The following PEAK1 variants were observed in gnomAD, a reference collection of about 807,000 sequenced individuals.
PEAK1 encodes pseudopodium enriched atypical kinase 1.
In PEAK1, 54 loss-of-function variants were observed where a neutral mutation model predicts 124.7. The observed-to-expected ratio is 0.43, with a 90% CI of 0.35 to 0.54. The LOEUF (loss-of-function observed/expected upper bound fraction) is 0.54. Ranked by LOEUF, PEAK1 falls within the 20% of genes least tolerant of loss-of-function variation. The pLI is 0.01. For synonymous variants in PEAK1, 719 were observed against 760.0 expected (o/e 0.95, Z 0.89); for missense variants, 2,046 against 2,134.5 (o/e 0.96, Z 0.82).
intron 5 of PEAK1, among the ~76,000 whole-genome samples, chr15:77,257,005 C>T (rs958095017): frequency 1.9e-4 from 29 of 151,974 alleles, no homozygotes; most frequent in African/African-American, 6.8e-4. Context: ...CGATAGTATA[C>T]TGAGAATGAT....
At chr15:77,132,930 G>C in intron 9 of PEAK1, 75 bp downstream of exon 9, 2 of 1,424,156 alleles carry the variant, frequency 1.4e-6, no homozygotes, top group Non-Finnish European at 9.6e-7. Flanking sequence ...AAAGAAAGGA[G>C]AAAAGCAGAA....
chr15:77,171,715 T>C (rs1361239693), intron 7 of PEAK1, among the ~76,000 whole-genome samples: 1 of 152,140 alleles, frequency 6.6e-6, no homozygotes, highest in Non-Finnish European at 1.5e-5. Flanking sequence ...TGATAAATGT[T>C]TGAGATAATG....
exon 7 of PEAK1, chr15:77,100,829 T>C (rs1474934008): frequency 6.6e-6 from 1 of 152,242 alleles, no homozygotes; most frequent in Admixed American, 6.5e-5. Context: ...TCTAATTCAA[T>C]TAAAATGTTT....
chr15:77,202,627 G>A (rs762038318), intron 6 of PEAK1, among the ~76,000 whole-genome samples: 3 of 151,830 alleles, frequency 2.0e-5, no homozygotes, highest in Admixed American at 1.3e-4. Flanking sequence ...AAAAATAGCT[G>A]GGCATGGTGG....
intron 8 of PEAK1, among the ~76,000 whole-genome samples, chr15:77,153,132 G>A (rs2054803326): frequency 6.6e-6 from 1 of 152,088 alleles, no homozygotes; most frequent in Admixed American, 6.5e-5. Context: ...ACTTTTTTTG[G>A]TTAGTAAGCT....
At chr15:77,260,017 C>T (rs1177807189) in intron 5 of PEAK1, among the ~76,000 whole-genome samples, 1 of 151,936 alleles carries the variant, frequency 6.6e-6, no homozygotes. Context: ...TTTTTTGAGA[C>T]CAGAGAAAAA....
chr15:77,349,765 T>G (rs1386158100), intron 2 of PEAK1: 1 of 985,126 alleles, frequency 1.0e-6, no homozygotes, highest in Non-Finnish European at 1.2e-6. Flanking sequence ...ATGATTCACT[T>G]TCACAAATAA....
At chr15:77,420,857 A>AT (rs2073302663), upstream of PEAK1, 2 of 398,772 alleles carry the variant, frequency 5.0e-6, no homozygotes, top group Non-Finnish European at 8.8e-6. Context: ...AAAGGACACC[A>AT]AAATAAAGTG....
chr15:77,391,055 G>A (rs1284802995), intron 1 of PEAK1, among the ~76,000 whole-genome samples: 1 of 152,140 alleles, frequency 6.6e-6, no homozygotes, highest in Non-Finnish European at 1.5e-5. Flanking sequence ...TTGAATCCCA[G>A]CCCCACAGAC....
intron 1 of PEAK1, among the ~76,000 whole-genome samples, chr15:77,416,402 C>G (rs1262464784): frequency 6.6e-6 from 1 of 152,206 alleles, no homozygotes; most frequent in Non-Finnish European, 1.5e-5. Flanking sequence ...CATAGAGCCA[C>G]TCCCTCTTCT....
chr15:77,117,053 T>C (rs1196594811), intron 9 of PEAK1, among the ~76,000 whole-genome samples: 3 of 152,214 alleles, frequency 2.0e-5, no homozygotes, highest in Non-Finnish European at 4.4e-5. Flanking sequence ...AATTCTATAC[T>C]AGTCATTGTT....
intron 2 of PEAK1, among the ~76,000 whole-genome samples, chr15:77,286,750 C>T (rs1413107886): frequency 6.6e-6 from 1 of 152,056 alleles, no homozygotes; most frequent in Non-Finnish European, 1.5e-5. Flanking sequence ...AAATTTGTTC[C>T]TTACTTCAAA....
At chr15:77,274,574 C>A (rs1417787557) in intron 5 of PEAK1, among the ~76,000 whole-genome samples, 2 of 151,948 alleles carry the variant, frequency 1.3e-5, no homozygotes, top group African/African-American at 4.8e-5. Context: ...TACCTTACTC[C>A]TGCAACAATA....
chr15:77,353,481 A>G lies in PEAK1; in HGVS notation c.-603+11682T>C, dbSNP rs77061738. On this transcript the variant is annotated intron_variant, in intron 2 of 9. Coordinates refer to ENST00000682557, the MANE Select transcript of PEAK1 (RefSeq NM_001385026.1). ...TGGACCCTGGCTTGAAGAGCCTGGT[A>G]GAAACTATTGAAAAGGAATTAAAGG... 1.2e-4 allele frequency among the ~76,000 whole-genome samples: 18 copies of G among 152,348 alleles called. 1 individual carries two copies. The East Asian group carries it at 3.5e-3, about 29-fold the overall frequency.
chr15:77,389,231 A>G (rs918555687), intron 1 of PEAK1, among the ~76,000 whole-genome samples: 2 of 152,210 alleles, frequency 1.3e-5, no homozygotes, highest in African/African-American at 4.8e-5. Context: ...TTGGGATTAC[A>G]GGCATGAGCC....
chr15:77,225,280 T>C (rs2059579110), intron 6 of PEAK1, among the ~76,000 whole-genome samples: 1 of 151,978 alleles, frequency 6.6e-6, no homozygotes, highest in Non-Finnish European at 1.5e-5. Flanking sequence ...GGTGTGTAAC[T>C]GTTATGTTGC....
At chr15:77,130,947 G>A (rs2052803707) in intron 9 of PEAK1, among the ~76,000 whole-genome samples, 1 of 152,146 alleles carries the variant, frequency 6.6e-6, no homozygotes, top group Admixed American at 6.5e-5. Flanking sequence ...TGCCATTATT[G>A]ACAAAGCTAC....
intron 9 of PEAK1, among the ~76,000 whole-genome samples, chr15:77,132,695 CAA>C (rs35561271): frequency 1.6e-3 from 160 of 100,294 alleles, no homozygotes; most frequent in South Asian, 1.7e-3. Context: ...AACTCCATCT[CAA>C]AAAAAAAAAA....
At chr15:77,323,599 G>T (rs2065379261) in intron 2 of PEAK1, among the ~76,000 whole-genome samples, 1 of 152,136 alleles carries the variant, frequency 6.6e-6, no homozygotes, top group South Asian at 2.1e-4. Flanking sequence ...CCTCTTCAAG[G>T]AGAACTACAA....
Sources: gnomAD v4.1 joint callset for allele counts (sites outside exome capture counted in the v4.1 genomes callset) on GRCh38, gnomAD v4.1.1 for gene constraint, MANE v1.5 for transcripts, NCBI Gene and HGNC (gene_info 2026-07-23, HGNC 2026-07-21) for gene names.